The following ZNF653 variants were observed in gnomAD, a reference collection of about 807,000 sequenced individuals.
The protein encoded by ZNF653 is zinc finger protein 653.
Under a neutral mutation model 59.9 loss-of-function variants are expected in ZNF653, and 37 were observed. The ratio of observed to expected loss-of-function variants is 0.62; its 90% CI spans 0.48 to 0.81. The LOEUF (loss-of-function observed/expected upper bound fraction) is 0.81, where lower values mean the gene tolerates loss of function less well. Among genes scored for constraint, ZNF653 ranks in the 40% least tolerant of loss-of-function variants. The pLI, the probability that ZNF653 is intolerant of heterozygous loss-of-function variation, is 0.00. For synonymous variants in ZNF653, 435 were observed against 371.8 expected (o/e 1.17, Z -1.96); for missense variants, 808 against 881.1 (o/e 0.92, Z 1.05).
chr19:11,493,164 T>C (rs1461231804), intron 3 of ZNF653, among the ~76,000 whole-genome samples: 1 of 151,782 alleles, frequency 6.6e-6, no homozygotes, highest in East Asian at 1.9e-4. Flanking sequence ...TTTCAGTGAT[T>C]CTCCTGCCTC....
rs907214128 is a variant in ZNF653, at chr19:11,486,113, G to A, written c.1456-343C>T. Among the ~76,000 whole-genome samples, 7 of 152,180 alleles carry A rather than the reference G, an allele frequency of 4.6e-5. No individual in the cohort carries two copies. In the East Asian group the frequency reaches 1.2e-3, roughly 25 times the overall value. On this transcript the variant is annotated intron_variant, in intron 6 of 8. Coordinates refer to ENST00000293771, the MANE Select transcript of ZNF653 (RefSeq NM_138783.4). ...GTACAGGCGCCCGCCACCACGCCCGGCTGCTATTATTTTTTTCTGTATTTT... is the reference window on the plus strand; with the variant it reads ...GTACAGGCGCCCGCCACCACGCCCGACTGCTATTATTTTTTTCTGTATTTT...
At chr19:11,484,548 C>T (rs767421887) in intron 7 of ZNF653, among the ~76,000 whole-genome samples, 2 of 151,984 alleles carry the variant, frequency 1.3e-5, no homozygotes, top group Non-Finnish European at 2.9e-5. Context: ...GCTGGGATTA[C>T]AGGCATGTGC....
Position 11,486,806 on chromosome 19 carries a change from C to G in ZNF653, c.1418G>C (p.Gly473Ala). The stretch of plus-strand genomic sequence containing the variant: ...GAGGGCCACGTAGACTTGGCTGCAG[C>G]CCTCGTATGGGCAGTGGAACATCTC... Reference protein sequence around the residue: ...LLEMFHCPYEGCSQVYVALSS... With the variant: ...LLEMFHCPYEACSQVYVALSS... The change falls in exon 6 of 9, where the codon GGC becomes GCC. Residue 473 changes from glycine (G) to alanine (A), a missense_variant. Transcript: ENST00000293771. 6.2e-7 allele frequency: 1 copy of G among 1,611,478 alleles called. No individual in the cohort carries two copies. Among genetic ancestry groups the G allele is most frequent in the Non-Finnish European group, 8.5e-7 (1 of 1,178,996 alleles).
Position 11,487,939 on chromosome 19 carries a change from C to A in ZNF653, c.560-36G>T. ...AGAAGAAAGGGAGTGGTTATGATAG[C>A]TGCAGCCACTGGTATTTGTTTATTT... On this transcript the variant is annotated intron_variant, in intron 3 of 8. Coordinates refer to ENST00000293771, the MANE Select transcript of ZNF653 (RefSeq NM_138783.4). The surrounding 1 kb of genome is among the most constrained non-coding windows in gnomAD (Gnocchi z 5.1). The A allele has an allele frequency of 6.7e-7, 1 of 1,486,632 alleles. No homozygotes were observed. The highest frequency in any genetic ancestry group is 8.9e-7 in the Non-Finnish European group (1 of 1,119,734). The allele number at this position is 1,486,632 out of a possible 1,614,324, so 92.1% of individuals were successfully genotyped here.
Position 11,483,932 on chromosome 19 carries a change from C to T in ZNF653, c.1671-73G>A. ...CGGGGCGGGGCCCTACAAGGCCGAG[C>T]GCAGGTGGAACCGGGCCCAGACACT... On this transcript the variant is annotated intron_variant, in intron 8 of 8. Coordinates refer to ENST00000293771, the MANE Select transcript of ZNF653 (RefSeq NM_138783.4). 4.0e-6 allele frequency: 6 copies of T among 1,517,288 alleles called. No homozygotes were observed. In the South Asian group the frequency reaches 4.8e-5, roughly 12 times the overall value. The allele number at this position is 1,517,288 out of a possible 1,614,324, so 94.0% of individuals were successfully genotyped here. A position where few individuals can be genotyped will look rare whatever the true frequency, so the allele number is the denominator to read the frequency against.
At chr19:11,486,656 T>A in intron 6 of ZNF653, 113 bp downstream of exon 6, 1 of 891,818 alleles carries the variant, frequency 1.1e-6, no homozygotes, top group Non-Finnish European at 1.7e-6. Flanking sequence ...TGTCTTTGCC[T>A]TCAGGGACAC....
intron 1 of ZNF653, among the ~76,000 whole-genome samples, chr19:11,503,923 G>A (rs979701814): frequency 6.6e-6 from 1 of 152,042 alleles, no homozygotes; most frequent in African/African-American, 2.4e-5. Context: ...GGGCAACACA[G>A]GGAAACCTCT....
chr19:11,495,618 C>T lies in ZNF653; in HGVS notation c.559+332G>A, dbSNP rs978297791. 3.2e-5 allele frequency: 12 copies of T among 376,226 alleles called. No individual in the cohort carries two copies. Among genetic ancestry groups the T allele is most frequent in the Admixed American group, 2.5e-4 (6 of 24,210 alleles). The allele number at this position is 376,226 out of a possible 1,614,324, so 23.3% of individuals were successfully genotyped here. A position where few individuals can be genotyped will look rare whatever the true frequency, so the allele number is the denominator to read the frequency against. On this transcript the variant is annotated intron_variant, in intron 3 of 8. Transcript: ENST00000293771. The surrounding 1 kb of genome is among the most constrained non-coding windows in gnomAD (Gnocchi z 4.9). ...TAGGCGGCCGTTTCGCTGTGGGGGC[C>T]GAGCCCTGCCCCAGCAGGCCTGCCC...
chr19:11,501,534 C>A (rs1413270030), intron 1 of ZNF653, among the ~76,000 whole-genome samples: 1 of 152,114 alleles, frequency 6.6e-6, no homozygotes, highest in Non-Finnish European at 1.5e-5. Flanking sequence ...GTCTCCATGT[C>A]CTCTCCTCCA....
intron 3 of ZNF653, among the ~76,000 whole-genome samples, chr19:11,490,536 G>A (rs1423144979): frequency 1.3e-5 from 2 of 151,952 alleles, no homozygotes; most frequent in Admixed American, 6.6e-5. Context: ...ACAGGCACAC[G>A]CCACCATGTC....
intron 3 of ZNF653, among the ~76,000 whole-genome samples, chr19:11,488,599 C>T (rs1217614139): frequency 1.5e-5 from 2 of 131,232 alleles, no homozygotes; most frequent in Non-Finnish European, 3.0e-5. Flanking sequence ...TTTTTCTTTT[C>T]TTTTCTTTTT....
rs556169775 is a variant in ZNF653 at position 11,487,998 on chromosome 19, A to ATTTATTTTTTTT, written c.560-96_560-95insAAAAAAAATAAA. On this transcript the variant is annotated intron_variant, in intron 3 of 8. Transcript: ENST00000293771. This position sits in a 1 kb window ranked among gnomAD's most constrained non-coding sequence, Gnocchi z 5.1. ...TTTTATTTTATTTATTTATTTATTT[A>ATTTATTTTTTTT]TTTTTTTGAGACAGAGTCTCACTCT... 76 of 1,125,736 alleles carry ATTTATTTTTTTT rather than the reference A, an allele frequency of 6.8e-5. No homozygotes were observed. The African/African-American group carries it at 1.2e-3, about 17-fold the overall frequency. The allele number at this position is 1,125,736 out of a possible 1,614,324, so 69.7% of individuals were successfully genotyped here. A position where few individuals can be genotyped will look rare whatever the true frequency, so the allele number is the denominator to read the frequency against.
chr19:11,498,272 C>A, intron 2 of ZNF653, 24 bp downstream of exon 2: 1 of 1,613,700 alleles, frequency 6.2e-7, no homozygotes. Flanking sequence ...CTCCCCACCT[C>A]CCCCAGGCTG....
At chr19:11,498,750 T>G (rs1971614256) in intron 1 of ZNF653, among the ~76,000 whole-genome samples, 1 of 141,638 alleles carries the variant, frequency 7.1e-6, no homozygotes, top group Non-Finnish European at 1.5e-5. Flanking sequence ...GCCCTGAACT[T>G]TTTTTTCTTT....
At chr19:11,486,931 G>T in intron 5 of ZNF653, 51 bp from the exon 6 acceptor site, 1 of 1,610,248 alleles carries the variant, frequency 6.2e-7, no homozygotes, top group African/African-American at 1.3e-5. Flanking sequence ...GGCAGGCTGG[G>T]GGCCTGCGGG....
chr19:11,500,385 AG>A (rs1971631345), intron 1 of ZNF653, among the ~76,000 whole-genome samples: 1 of 152,126 alleles, frequency 6.6e-6, no homozygotes, highest in Non-Finnish European at 1.5e-5. Flanking sequence ...CCCAGGTTGG[AG>A]TGGAGTAGCA....
chr19:11,489,002 C>G (rs1035214205), intron 3 of ZNF653, among the ~76,000 whole-genome samples: 2 of 151,262 alleles, frequency 1.3e-5, no homozygotes, highest in African/African-American at 4.9e-5. Flanking sequence ...TGGGTTCAAG[C>G]GATTCTCCTG....
chr19:11,492,778 G>A (rs187329857), intron 3 of ZNF653, among the ~76,000 whole-genome samples: 24 of 152,130 alleles, frequency 1.6e-4, no homozygotes, highest in East Asian at 5.8e-4. Context: ...GTGAGGGCTC[G>A]TTCCAATAAA....
intron 3 of ZNF653, among the ~76,000 whole-genome samples, chr19:11,492,379 T>TCC (rs1267134443): frequency 6.6e-6 from 1 of 151,956 alleles, no homozygotes; most frequent in African/African-American, 2.4e-5. Context: ...AGACAGTGTC[T>TCC]CCCTCTGTCA....
Sources: gnomAD v4.1 joint callset for allele counts (sites outside exome capture counted in the v4.1 genomes callset) on GRCh38, gnomAD v4.1.1 for gene constraint, Gnocchi (gnomAD v3.1) non-coding constraint, MANE v1.5 for transcripts, NCBI Gene and HGNC (gene_info 2026-07-23, HGNC 2026-07-21) for gene names.